CTNNA3: variants seen among roughly 807,000 people sequenced by gnomAD.
CTNNA3 encodes catenin alpha 3.
A neutral mutation model predicts 95.7 loss-of-function variants in CTNNA3; 76 were observed. The observed-to-expected ratio is 0.79, with a 90% CI of 0.66 to 0.96. CTNNA3 has a LOEUF of 0.96. CTNNA3 is among the 40% of genes least tolerant of loss of function. The pLI is 0.00. For synonymous variants in CTNNA3, 431 were observed against 374.4 expected, an observed-to-expected ratio of 1.15 and a Z score of -1.74; for missense variants, 1,191 against 1,089.8, an observed-to-expected ratio of 1.09 and a Z score of -1.31.
intron 13 of CTNNA3, among the ~76,000 whole-genome samples, chr10:66,150,600 A>C (rs1261570761): frequency 6.6e-6 from 1 of 151,958 alleles, no homozygotes; most frequent in Non-Finnish European, 1.5e-5. Flanking sequence ...AGGGTAACTA[A>C]GATATCCATT....
chr10:67,058,260 C>T (rs1426727948), intron 7 of CTNNA3, among the ~76,000 whole-genome samples: 3 of 152,168 alleles, frequency 2.0e-5, no homozygotes, highest in African/African-American at 4.8e-5. Context: ...TGGGATTATG[C>T]AGATACCATA....
intron 7 of CTNNA3, among the ~76,000 whole-genome samples, chr10:66,862,369 G>A (rs4636543): frequency 0.87 from 132,007 of 151,902 alleles, 57,794 homozygotes; most frequent in African/African-American, 0.96. Flanking sequence ...ACTTATCAGT[G>A]ATGTTAAGTG....
chr10:67,107,369 CTTTG>C (rs1410296273), intron 7 of CTNNA3, among the ~76,000 whole-genome samples: 2 of 152,118 alleles, frequency 1.3e-5, no homozygotes, highest in Admixed American at 6.5e-5. Flanking sequence ...AATATTAATC[CTTTG>C]TTTAAAATGT....
chr10:66,059,369 A>C (rs2080150289), intron 15 of CTNNA3, among the ~76,000 whole-genome samples: 1 of 152,096 alleles, frequency 6.6e-6, no homozygotes, highest in South Asian at 2.1e-4. Flanking sequence ...CTGTTCAACA[A>C]ACTAATAGAC....
chr10:66,549,444 C>G (rs1394919160), intron 10 of CTNNA3, among the ~76,000 whole-genome samples: 1 of 152,026 alleles, frequency 6.6e-6, no homozygotes, highest in East Asian at 1.9e-4. Flanking sequence ...TTTTGTTGGT[C>G]TCTTCAAAGT....
At chr10:66,482,565 C>T (rs1156518214) in intron 11 of CTNNA3, among the ~76,000 whole-genome samples, 2 of 151,844 alleles carry the variant, frequency 1.3e-5, no homozygotes, top group East Asian at 3.9e-4. Context: ...TAATAATATT[C>T]TTAAGATAAT....
intron 9 of CTNNA3, among the ~76,000 whole-genome samples, chr10:66,690,534 T>A (rs1444718603): frequency 6.6e-6 from 1 of 151,224 alleles, no homozygotes; most frequent in African/African-American, 2.4e-5. Flanking sequence ...GTCCACGTGT[T>A]CTCATCGTTC....
intron 7 of CTNNA3, among the ~76,000 whole-genome samples, chr10:66,865,433 G>A (rs761021865): frequency 6.6e-6 from 1 of 152,022 alleles, no homozygotes; most frequent in Non-Finnish European, 1.5e-5. Flanking sequence ...GTAAATTCGA[G>A]TATGTGTGCT....
rs183892988 is a variant in CTNNA3, at chr10:67,187,888, C to T, written c.844-7368G>A. ...GGTGTAAGCCACTGTGCCCAGTGTT[C>T]CCCTTTATTTTCAAGGCTATCTTCT... is the stretch of plus-strand genomic sequence containing the variant. On this transcript the variant is annotated intron_variant, in intron 6 of 17. Transcript: ENST00000433211. Among the ~76,000 whole-genome samples the T allele has an allele frequency of 1.0e-3, 152 of 152,134 alleles. No homozygotes were observed. In the Middle Eastern group the frequency reaches 0.017, roughly 17 times the overall value.
chr10:65,988,135 TTAA>T lies in CTNNA3; in HGVS notation c.2265+554_2265+556del, dbSNP rs539059938. Among the ~76,000 whole-genome samples the T allele has an allele frequency of 1.5e-3, 234 of 152,232 alleles. 2 individuals are homozygous for T. Among genetic ancestry groups the T allele is most frequent in the African/African-American group, 5.2e-3 (217 of 41,558 alleles). ...CTTCTGTAACATAGGCTGACTATAG[TTAA>T]TAATTTATTGTGTATTTAAAAATAG... On this transcript the variant is annotated intron_variant, in intron 16 of 17. Coordinates refer to ENST00000433211, the MANE Select transcript of CTNNA3 (RefSeq NM_013266.4).
intron 7 of CTNNA3, among the ~76,000 whole-genome samples, chr10:66,953,470 T>C (rs1848639949): frequency 6.6e-6 from 1 of 152,192 alleles, no homozygotes; most frequent in Admixed American, 6.5e-5. Flanking sequence ...ACATTTTTTT[T>C]CTGTACTTTC....
chr10:65,920,910 C>A lies in CTNNA3; in HGVS notation c.2401-293G>T, dbSNP rs7922674. Among the ~76,000 whole-genome samples the A allele has an allele frequency of 0.31, 46,400 of 152,072 alleles. 7,418 individuals are homozygous for A. Among genetic ancestry groups the A allele is most frequent in the Middle Eastern group, 0.4 (117 of 294 alleles). ...TAAGCTGCTCAATATTGTCTATGCCCAAACATAAATCAATAAGTTCTGCCT... is the reference window on the plus strand; with the variant it reads ...TAAGCTGCTCAATATTGTCTATGCCAAAACATAAATCAATAAGTTCTGCCT... On this transcript the variant is annotated intron_variant, in intron 17 of 17. Coordinates refer to ENST00000433211, the MANE Select transcript of CTNNA3 (RefSeq NM_013266.4).
At chr10:67,185,653 T>G (rs1447760556) in intron 6 of CTNNA3, among the ~76,000 whole-genome samples, 6 of 152,178 alleles carry the variant, frequency 3.9e-5, no homozygotes, top group Non-Finnish European at 7.4e-5. Flanking sequence ...TTATTTCATT[T>G]GCCACTTTTA....
intron 1 of CTNNA3, among the ~76,000 whole-genome samples, chr10:67,752,431 C>G (rs1441273248): frequency 6.6e-6 from 1 of 152,156 alleles, no homozygotes; most frequent in Non-Finnish European, 1.5e-5. Flanking sequence ...GGATGGCCCT[C>G]TCTCTTTCTC....
chr10:66,826,799 C>T (rs559370847), intron 7 of CTNNA3, among the ~76,000 whole-genome samples: 32 of 152,236 alleles, frequency 2.1e-4, no homozygotes, highest in East Asian at 5.8e-4. Flanking sequence ...TCACTGCTTA[C>T]GGTATAATGC....
At chr10:66,461,985 T>C (rs2093533192) in intron 11 of CTNNA3, among the ~76,000 whole-genome samples, 1 of 151,734 alleles carries the variant, frequency 6.6e-6, no homozygotes, top group Non-Finnish European at 1.5e-5. Context: ...GCTAATTTTC[T>C]ATATTTTTGG....
rs149783305 is a variant in CTNNA3, at chr10:66,778,690, T to C, written c.1048-3166A>G. Among the ~76,000 whole-genome samples, 1,225 of 149,836 alleles carry C rather than the reference T, an allele frequency of 8.2e-3. 14 individuals are homozygous for C. The highest frequency in any genetic ancestry group is 0.028 in the Admixed American group (428 of 15,094). On this transcript the variant is annotated intron_variant, in intron 7 of 17. Transcript: ENST00000433211. ...AGAAAGACTTTATTAAAAAAAAAAA[T>C]TCTGGGCCGAGTGCGGTGGCTCAGC...
At chr10:66,384,700 T>A (rs1192715475) in intron 11 of CTNNA3, among the ~76,000 whole-genome samples, 3 of 152,188 alleles carry the variant, frequency 2.0e-5, no homozygotes, top group Non-Finnish European at 4.4e-5. Context: ...AGTAAAGTAC[T>A]CCTTAGCAAA....
chr10:67,255,012 C>G (rs548508723), intron 5 of CTNNA3, among the ~76,000 whole-genome samples: 7 of 152,156 alleles, frequency 4.6e-5, no homozygotes, highest in African/African-American at 1.7e-4. Flanking sequence ...ACAATAATTT[C>G]TGGCCGGGCA....
Sources: allele counts gnomAD v4.1 joint callset (sites outside exome capture counted in the v4.1 genomes callset), GRCh38; gene constraint gnomAD v4.1.1; transcripts MANE v1.5; gene names NCBI Gene and HGNC (gene_info 2026-07-23, HGNC 2026-07-21).